The following MAD1L1 variants were observed in gnomAD, a reference collection of about 807,000 sequenced individuals.
MAD1L1 encodes the protein mitotic spindle assembly checkpoint protein MAD1.
MAD1L1 carries 95 observed loss-of-function variants against 96.9 expected under a neutral mutation model. The observed-to-expected ratio is 0.98, with a 90% confidence interval of 0.83 to 1.16. The LOEUF (loss-of-function observed/expected upper bound fraction) is 1.16, where lower values mean the gene tolerates loss of function less well. MAD1L1 is among the 50% of genes most tolerant of loss of function. MAD1L1 has a pLI of 0.00. For missense variants in MAD1L1, 1,007 were observed against 954.4 expected (o/e 1.06, Z -0.73); for synonymous variants, 473 against 396.6 (o/e 1.19, Z -2.29).
At chr7:1,892,260 A>G (rs1354240955) in intron 18 of MAD1L1, among the ~76,000 whole-genome samples, 1 of 152,208 alleles carries the variant, frequency 6.6e-6, no homozygotes, top group Admixed American at 6.5e-5. Context: ...GGGAGGCTGC[A>G]CGGCCCAGGC....
intron 10 of MAD1L1, among the ~76,000 whole-genome samples, chr7:2,179,993 G>T (rs1308860593): frequency 6.6e-6 from 1 of 151,210 alleles, no homozygotes; most frequent in Admixed American, 6.6e-5. Flanking sequence ...GAAAAGAAAA[G>T]AAAGAAAGTC....
At chr7:1,867,285 G>A (rs1184957189) in intron 18 of MAD1L1, among the ~76,000 whole-genome samples, 8 of 152,208 alleles carry the variant, frequency 5.3e-5, no homozygotes, top group Admixed American at 2.6e-4. Flanking sequence ...AATGGAGGAG[G>A]GGAATGCCGG....
intron 11 of MAD1L1, among the ~76,000 whole-genome samples, chr7:2,126,215 A>G (rs1403014888): frequency 6.6e-6 from 1 of 152,238 alleles, no homozygotes; most frequent in Non-Finnish European, 1.5e-5. Flanking sequence ...AGCCGAGAGC[A>G]GACACAGGCA....
intron 13 of MAD1L1, among the ~76,000 whole-genome samples, chr7:2,010,921 G>C (rs1232900231): frequency 1.3e-5 from 2 of 152,232 alleles, no homozygotes; most frequent in Non-Finnish European, 2.9e-5. Flanking sequence ...GGGGTGAACA[G>C]AGGCCAAGGG....
intron 12 of MAD1L1, among the ~76,000 whole-genome samples, chr7:2,027,023 A>G (rs1416119805): frequency 6.6e-6 from 1 of 152,176 alleles, no homozygotes; most frequent in Non-Finnish European, 1.5e-5. Context: ...GCAAATAACA[A>G]TATTGAAAAA....
chr7:2,210,339 G>A (rs1346583676), intron 10 of MAD1L1, among the ~76,000 whole-genome samples: 2 of 152,170 alleles, frequency 1.3e-5, no homozygotes, highest in Non-Finnish European at 2.9e-5. Flanking sequence ...CCAAACCACT[G>A]GGACTACAGG....
Position 2,120,770 on chromosome 7 carries a change from G to A in MAD1L1, c.1073+28382C>T, listed in dbSNP as rs528710342. ...AGACAGGGGGTGCGGGACAGGAGGC[G>A]GGAGGCAGCCTGCGAGCCCCCATGG... is the stretch of plus-strand genomic sequence containing the variant. On this transcript the variant is annotated intron_variant, in intron 11 of 18. Transcript: ENST00000265854. 3.9e-5 allele frequency among the ~76,000 whole-genome samples: 6 copies of A among 152,344 alleles called. No homozygotes were observed. In the South Asian group the frequency reaches 6.2e-4, roughly 16 times the overall value.
At chr7:2,085,607 G>T (rs1387758614) in intron 11 of MAD1L1, among the ~76,000 whole-genome samples, 1 of 152,124 alleles carries the variant, frequency 6.6e-6, no homozygotes, top group African/African-American at 2.4e-5. Context: ...CTGTTGAATT[G>T]ACTTGGCATC....
At chr7:1,879,538 C>CT (rs1025057261) in intron 18 of MAD1L1, among the ~76,000 whole-genome samples, 2 of 151,816 alleles carry the variant, frequency 1.3e-5, no homozygotes, top group Non-Finnish European at 2.9e-5. Flanking sequence ...TCCCAGCAGG[C>CT]TTTTTTCTAG....
At chr7:2,159,076 C>T (rs1340515016) in intron 10 of MAD1L1, among the ~76,000 whole-genome samples, 1 of 152,336 alleles carries the variant, frequency 6.6e-6, no homozygotes, top group Non-Finnish European at 1.5e-5. Flanking sequence ...CACTCTTACC[C>T]CATGGAAAGG....
chr7:2,009,209 G>A (rs1329199692), intron 13 of MAD1L1, among the ~76,000 whole-genome samples: 5 of 152,212 alleles, frequency 3.3e-5, no homozygotes, highest in Admixed American at 3.3e-4. Context: ...CCTCAGCCGG[G>A]CTATTTTTAT....
intron 18 of MAD1L1, chr7:1,845,234 A>G (rs1783530592): frequency 6.6e-6 from 1 of 152,198 alleles, no homozygotes; most frequent in Non-Finnish European, 1.5e-5. Context: ...AGCTTTCCTG[A>G]GGCTGACGCA....
At chr7:1,879,959 T>G (rs1374387442) in intron 18 of MAD1L1, among the ~76,000 whole-genome samples, 1 of 152,154 alleles carries the variant, frequency 6.6e-6, no homozygotes, top group Non-Finnish European at 1.5e-5. Flanking sequence ...CTCAATCTCC[T>G]GACCTGGTGA....
intron 11 of MAD1L1, among the ~76,000 whole-genome samples, chr7:2,082,838 C>T (rs1785722209): frequency 6.6e-6 from 1 of 152,250 alleles, no homozygotes; most frequent in Non-Finnish European, 1.5e-5. Flanking sequence ...GCCGCACGAC[C>T]ACTCCAGCTG....
chr7:1,901,253 G>C (rs768641128), intron 17 of MAD1L1, among the ~76,000 whole-genome samples: 1 of 152,208 alleles, frequency 6.6e-6, no homozygotes, highest in Non-Finnish European at 1.5e-5. Context: ...TTCACACGAT[G>C]GTTTGGATTA....
At chr7:2,059,270 G>A (rs1369016475) in intron 12 of MAD1L1, among the ~76,000 whole-genome samples, 1 of 135,012 alleles carries the variant, frequency 7.4e-6, no homozygotes, top group African/African-American at 2.9e-5. Flanking sequence ...GTGGCCAGGA[G>A]AGAAGCAGGG....
intron 18 of MAD1L1, chr7:1,848,999 G>A (rs1168100562): frequency 6.5e-6 from 1 of 153,502 alleles, no homozygotes; most frequent in African/African-American, 2.4e-5. Flanking sequence ...GGGCACAGAG[G>A]CGACGGCATG....
chr7:1,915,052 G>A (rs1404995910), intron 17 of MAD1L1, among the ~76,000 whole-genome samples: 1 of 152,166 alleles, frequency 6.6e-6, no homozygotes, highest in Non-Finnish European at 1.5e-5. Flanking sequence ...AGCAGGAACT[G>A]GGGTCTCACT....
chr7:2,207,458 T>C (rs1030859768), intron 10 of MAD1L1, among the ~76,000 whole-genome samples: 1 of 152,132 alleles, frequency 6.6e-6, no homozygotes, highest in African/African-American at 2.4e-5. Flanking sequence ...AAGGGTGAGT[T>C]GATTTCCAAC....
Sources: allele counts gnomAD v4.1 joint callset (sites outside exome capture counted in the v4.1 genomes callset), GRCh38; gene constraint gnomAD v4.1.1; transcripts MANE v1.5; gene names NCBI Gene and HGNC (gene_info 2026-07-23, HGNC 2026-07-21).